The following PCDHGA6 variants were observed in gnomAD, a reference collection of about 807,000 sequenced individuals.
PCDHGA6 encodes the protein protocadherin gamma-A6.
Under a neutral mutation model 60.6 loss-of-function variants are expected in PCDHGA6, and 41 were observed. That is an observed-to-expected ratio of 0.68 (90% CI 0.53 to 0.88). The LOEUF (loss-of-function observed/expected upper bound fraction) is 0.88. Among genes scored for constraint, PCDHGA6 ranks in the 40% least tolerant of loss-of-function variants. The pLI is 0.00. For synonymous variants in PCDHGA6, 594 were observed against 524.4 expected (o/e 1.13, Z -1.81); for missense variants, 1,312 against 1,203.0 (o/e 1.09, Z -1.34).
chr5:141,496,140 T>C (rs1172903212), intron 2 of PCDHGA6, among the ~76,000 whole-genome samples: 1 of 152,006 alleles, frequency 6.6e-6, no homozygotes, highest in Admixed American at 6.6e-5. Flanking sequence ...CACTGAGCCT[T>C]TGATCGCAGC....
At chr5:141,409,235 C>A (rs1471024804) in intron 1 of PCDHGA6, 1 of 1,613,832 alleles carries the variant, frequency 6.2e-7, no homozygotes, top group East Asian at 2.2e-5. Context: ...CGACAACAGC[C>A]CAGAAATAAT....
intron 1 of PCDHGA6, chr5:141,426,995 C>A (rs772977735): frequency 2.2e-6 from 1 of 456,694 alleles, no homozygotes; most frequent in South Asian, 1.5e-5. Context: ...ACGATAATGC[C>A]CCAGTTTTTA....
rs1561748501 is a variant in PCDHGA6 at position 141,414,351 on chromosome 5, G to GT, written c.2424+37845dup. On this transcript the variant is annotated intron_variant, in intron 1 of 3. Coordinates refer to ENST00000517434, the MANE Select transcript of PCDHGA6 (RefSeq NM_018919.3). ...GACAGGTAACCTGTTCCATTTTGGC[G>GT]TATCTACCATTTAAATTAGAAAAGT... 2.5e-6 allele frequency: 4 copies of GT among 1,613,794 alleles called. No individual in the cohort carries two copies. The South Asian group carries it at 3.3e-5, about 13-fold the overall frequency.
intron 2 of PCDHGA6, among the ~76,000 whole-genome samples, chr5:141,495,826 A>G (rs1190417828): frequency 6.6e-6 from 1 of 150,888 alleles, no homozygotes; most frequent in African/African-American, 2.4e-5. Flanking sequence ...GTGTTCTTCT[A>G]TCCCCAGCCT....
chr5:141,476,613 G>T lies in PCDHGA6; in HGVS notation c.2425-18194G>T. On this transcript the variant is annotated intron_variant, in intron 1 of 3. Coordinates refer to ENST00000517434, the MANE Select transcript of PCDHGA6 (RefSeq NM_018919.3). The surrounding 1 kb of genome is among the most constrained non-coding windows in gnomAD (Gnocchi z 7.6). ...AGCGCGCACGATCCCGATGTGGGAA[G>T]CAACTCTTTACAAACCTATGAGCTG... 2 of 1,614,266 alleles carry T rather than the reference G, an allele frequency of 1.2e-6. No homozygotes were observed. The highest frequency in any genetic ancestry group is 2.7e-5 in the African/African-American group (2 of 75,078).
In PCDHGA6 at chr5:141,498,823, C is replaced by A. The variant is rs540865523; in HGVS notation, c.2483+3958C>A. ...TGGTGCACACCTGTAGTCCCAGCTA[C>A]TCAGGAGGCTGAGGCAGGGGAATCG... On this transcript the variant is annotated intron_variant, in intron 2 of 3. Coordinates refer to ENST00000517434, the MANE Select transcript of PCDHGA6 (RefSeq NM_018919.3). Among the ~76,000 whole-genome samples the A allele has an allele frequency of 9.2e-5, 14 of 152,166 alleles. No homozygotes were observed. The East Asian group carries it at 1.5e-3, about 17-fold the overall frequency.
chr5:141,413,351 C>A (rs774333807), intron 1 of PCDHGA6: 6 of 1,613,932 alleles, frequency 3.7e-6, no homozygotes, highest in South Asian at 1.1e-5. Flanking sequence ...TTGGGTCTGG[C>A]GCCCCGGGAG....
Position 141,477,393 on chromosome 5 carries a change from G to A in PCDHGA6, c.2425-17414G>A, listed in dbSNP as rs1397453429. On this transcript the variant is annotated intron_variant, in intron 1 of 3. Transcript: ENST00000517434. This position sits in a 1 kb window ranked among gnomAD's most constrained non-coding sequence, Gnocchi z 4.9. The stretch of plus-strand genomic sequence containing the variant: ...GAGACTGTGCCAGAATACAACCTCA[G>A]CATCACCGCCCGAGACGCCGGAACC... The A allele has an allele frequency of 5.6e-6, 9 of 1,614,098 alleles. No individual in the cohort carries two copies. Among genetic ancestry groups the A allele is most frequent in the Non-Finnish European group, 7.6e-6 (9 of 1,180,028 alleles).
chr5:141,433,208 C>CA, intron 1 of PCDHGA6: 1 of 1,293,080 alleles, frequency 7.7e-7, no homozygotes, highest in Non-Finnish European at 1.1e-6. Context: ...AATCTTCTTT[C>CA]TTTTTTTTTT....
chr5:141,419,165 A>G, intron 1 of PCDHGA6: 1 of 1,613,978 alleles, frequency 6.2e-7, no homozygotes, highest in Non-Finnish European at 8.5e-7. Flanking sequence ...ATCCTCCAGC[A>G]AAACCATAAC....
At chr5:141,458,308 A>G (rs1363472724) in intron 1 of PCDHGA6, among the ~76,000 whole-genome samples, 1 of 152,196 alleles carries the variant, frequency 6.6e-6, no homozygotes, top group Non-Finnish European at 1.5e-5. Context: ...AGATAAAATG[A>G]CACAGACACA....
rs1332743231 is a variant in PCDHGA6 at position 141,432,967 on chromosome 5, G to A, written c.2424+56460G>A. 4 of 1,614,192 alleles carry A rather than the reference G, an allele frequency of 2.5e-6. No homozygotes were observed. In the East Asian group the frequency reaches 6.7e-5, roughly 27 times the overall value. On this transcript the variant is annotated intron_variant, in intron 1 of 3. Coordinates refer to ENST00000517434, the MANE Select transcript of PCDHGA6 (RefSeq NM_018919.3). The surrounding 1 kb of genome is among the most constrained non-coding windows in gnomAD (Gnocchi z 6.0). The stretch of plus-strand genomic sequence containing the variant: ...CAGGAGGCGGCTTGACAGGAGCGCC[G>A]GCGTCGCACTTTGTGGGCGTGGACG...
intron 1 of PCDHGA6, chr5:141,383,840 T>G: frequency 1.2e-6 from 2 of 1,613,952 alleles, no homozygotes; most frequent in South Asian, 2.2e-5. Flanking sequence ...GAAACTGCCT[T>G]CTATGAAATG....
In PCDHGA6 at chr5:141,399,495, T is replaced by G. The variant is rs779594817; in HGVS notation, c.2424+22988T>G. On this transcript the variant is annotated intron_variant, in intron 1 of 3. Transcript: ENST00000517434. ...TCCACCAGGCGTCCTACTTAGTCAGTGTACCCGAAAACAACCCTCCTGGGG... is the reference window on the plus strand; with the variant it reads ...TCCACCAGGCGTCCTACTTAGTCAGGGTACCCGAAAACAACCCTCCTGGGG... 1.1e-5 allele frequency: 18 copies of G among 1,613,916 alleles called. No individual in the cohort carries two copies. Among genetic ancestry groups the G allele is most frequent in the Non-Finnish European group, 1.5e-5 (18 of 1,179,912 alleles).
At position 141,460,518 on chromosome 5, in the gene PCDHGA6, C is replaced by T. The variant is rs190277142; in HGVS notation, c.2425-34289C>T. ...AAATATGCTGAGAAGGCTATCTTTT[C>T]CCCACCAAATAATCTTAGCACCTTA... On this transcript the variant is annotated intron_variant, in intron 1 of 3. Coordinates refer to ENST00000517434, the MANE Select transcript of PCDHGA6 (RefSeq NM_018919.3). Among the ~76,000 whole-genome samples, 53 of 152,196 alleles carry T rather than the reference C, an allele frequency of 3.5e-4. 1 individual carries two copies. Among genetic ancestry groups the T allele is most frequent in the African/African-American group, 1.2e-3 (50 of 41,522 alleles).
At chr5:141,395,526 G>T in intron 1 of PCDHGA6, 4 of 357,898 alleles carry the variant, frequency 1.1e-5, no homozygotes, top group Admixed American at 4.6e-5. Context: ...GTCCATACTG[G>T]TAATTTTGCT....
In PCDHGA6 at chr5:141,495,049, T is replaced by G. The variant is rs543734863; in HGVS notation, c.2483+184T>G. ...CCCCGGAAGGAAGAGGCGACTGCCC[T>G]GACTGTTCAGGAAGCTCAATTCACA... On this transcript the variant is annotated intron_variant, in intron 2 of 3. Coordinates refer to ENST00000517434, the MANE Select transcript of PCDHGA6 (RefSeq NM_018919.3). Among the ~76,000 whole-genome samples the G allele has an allele frequency of 5.6e-4, 86 of 152,312 alleles. 1 individual carries two copies. Among genetic ancestry groups the G allele is most frequent in the African/African-American group, 1.6e-3 (65 of 41,578 alleles).
intron 1 of PCDHGA6, chr5:141,399,936 C>A (rs1370105984): frequency 6.2e-7 from 1 of 1,612,268 alleles, no homozygotes; most frequent in African/African-American, 1.3e-5. Flanking sequence ...TGTCCTACCA[C>A]GTGCTGCAGG....
chr5:141,441,823 C>A (rs538052540), intron 1 of PCDHGA6: 6 of 357,336 alleles, frequency 1.7e-5, no homozygotes, highest in South Asian at 7.1e-5. Flanking sequence ...AGCTCTGGAG[C>A]GCAATGGCTT....
Sources: allele counts gnomAD v4.1 joint callset (sites outside exome capture counted in the v4.1 genomes callset), GRCh38; gene constraint gnomAD v4.1.1; non-coding constraint Gnocchi (gnomAD v3.1); transcripts MANE v1.5; gene names NCBI Gene and HGNC (gene_info 2026-07-23, HGNC 2026-07-21).